The following LRRC37A2 variants were observed in gnomAD, a reference collection of about 807,000 sequenced individuals.
LRRC37A2 encodes leucine-rich repeat-containing protein 37A2.
Under a neutral mutation model 68.8 loss-of-function variants are expected in LRRC37A2, and 9 were observed. That is an observed-to-expected ratio of 0.13 (90% CI 0.08 to 0.23). The LOEUF (loss-of-function observed/expected upper bound fraction) is 0.23. LRRC37A2 is among the 10% of genes least tolerant of loss of function. LRRC37A2 has a pLI of 1.00. For missense variants in LRRC37A2, 168 were observed against 950.4 expected (o/e 0.18, Z 10.82); for synonymous variants, 63 against 367.6 (o/e 0.17, Z 9.48).
At chr17:46,779,103 A>ACACACACACACACACACC in the LRRC37A2 span, among the ~76,000 whole-genome samples, 205 of 133,612 alleles carry the variant, frequency 1.5e-3, 8 homozygotes, top group East Asian at 0.016. Flanking sequence ...ACACACACAC[A>ACACACACACACACACACC]CCCCAGCCCA....
the LRRC37A2 span, among the ~76,000 whole-genome samples, chr17:46,896,434 G>GAA: frequency 2.9e-5 from 3 of 103,910 alleles, no homozygotes; most frequent in African/African-American, 7.6e-5. Context: ...AAGAAAGAAA[G>GAA]AAAGAAAGAA....
the LRRC37A2 span, among the ~76,000 whole-genome samples, chr17:46,458,531 CTTTTTTT>C: frequency 2.4e-3 from 96 of 39,898 alleles, 3 homozygotes; most frequent in East Asian, 0.03. Flanking sequence ...TCTTCTTCTT[CTTTTTTT>C]TTTTTTTTTT....
the LRRC37A2 span, among the ~76,000 whole-genome samples, chr17:46,883,360 C>T: frequency 6.6e-6 from 1 of 151,002 alleles, no homozygotes; most frequent in African/African-American, 2.4e-5. Flanking sequence ...TCTTGGCTCA[C>T]TACAACCTCC....
the LRRC37A2 span, among the ~76,000 whole-genome samples, chr17:46,969,954 G>A: frequency 6.6e-6 from 1 of 152,104 alleles, no homozygotes; most frequent in African/African-American, 2.4e-5. Context: ...CGGGGTGGGG[G>A]AACAAAAAAC....
intron 4 of LRRC37A2, among the ~76,000 whole-genome samples, chr17:46,520,938 T>C (rs2052189371): frequency 1.2e-5 from 1 of 81,258 alleles, no homozygotes; most frequent in African/African-American, 3.6e-5. Flanking sequence ...ATAGCTGAAT[T>C]ATATCAATAT....
chr17:46,403,778 A>G, the LRRC37A2 span, among the ~76,000 whole-genome samples: 1 of 86,320 alleles, frequency 1.2e-5, no homozygotes, highest in Non-Finnish European at 2.6e-5. Flanking sequence ...AGCTCACTGC[A>G]AGCTCCGCCT....
chr17:46,872,292 G>A, the LRRC37A2 span, among the ~76,000 whole-genome samples: 27 of 152,358 alleles, frequency 1.8e-4, no homozygotes, highest in Middle Eastern at 3.4e-3. Context: ...GGGTGGATAA[G>A]AAGAGCAGAG....
At chr17:46,883,483 C>T in the LRRC37A2 span, among the ~76,000 whole-genome samples, 7 of 151,960 alleles carry the variant, frequency 4.6e-5, no homozygotes, top group African/African-American at 1.7e-4. Flanking sequence ...CGGGGTTTCA[C>T]CATGTTGGCC....
At chr17:46,910,617 G>A in the LRRC37A2 span, among the ~76,000 whole-genome samples, 1 of 152,228 alleles carries the variant, frequency 6.6e-6, no homozygotes, top group African/African-American at 2.4e-5. Context: ...CTGATTATGT[G>A]TGGAAAGTCA....
At chr17:46,879,178 A>T in the LRRC37A2 span, among the ~76,000 whole-genome samples, 1 of 152,216 alleles carries the variant, frequency 6.6e-6, no homozygotes, top group African/African-American at 2.4e-5. Flanking sequence ...GCTATATTTC[A>T]CAGACAGCAC....
chr17:46,839,952 CTTTCTT>C, the LRRC37A2 span, among the ~76,000 whole-genome samples: 1 of 148,348 alleles, frequency 6.7e-6, no homozygotes, highest in Non-Finnish European at 1.5e-5. Context: ...TTCTTTCTTT[CTTTCTT>C]TCTTTCTTTC....
At chr17:46,814,505 C>T in the LRRC37A2 span, among the ~76,000 whole-genome samples, 1 of 152,190 alleles carries the variant, frequency 6.6e-6, no homozygotes, top group African/African-American at 2.4e-5. Context: ...CGCCATATCC[C>T]CCCCAGGGAA....
chr17:46,881,767 A>G, the LRRC37A2 span, among the ~76,000 whole-genome samples: 1 of 152,160 alleles, frequency 6.6e-6, no homozygotes, highest in African/African-American at 2.4e-5. Flanking sequence ...AAACAGCCAC[A>G]TGTGCTTTCT....
chr17:46,585,318 G>GAA, the LRRC37A2 span, among the ~76,000 whole-genome samples: 1 of 70,420 alleles, frequency 1.4e-5, no homozygotes, highest in African/African-American at 4.5e-5. Flanking sequence ...ACTCCATCTC[G>GAA]AAAAAAAAAA....
At chr17:46,951,024 A>G in the LRRC37A2 span, among the ~76,000 whole-genome samples, 3,759 of 152,218 alleles carry the variant, frequency 0.025, 65 homozygotes, top group Middle Eastern at 0.065. Flanking sequence ...CGCCCCAACT[A>G]CACGCCCATG....
chr17:46,496,743 C>T, the LRRC37A2 span, among the ~76,000 whole-genome samples: 779 of 131,528 alleles, frequency 5.9e-3, 1 homozygote, highest in Middle Eastern at 0.04. Flanking sequence ...GGTGAAACCC[C>T]GTCTCTACTA....
At chr17:46,784,482 G>A in the LRRC37A2 span, among the ~76,000 whole-genome samples, 2 of 152,102 alleles carry the variant, frequency 1.3e-5, no homozygotes, top group Non-Finnish European at 2.9e-5. Context: ...GACACTGAGC[G>A]TCACGGTGGG....
chr17:46,966,071 A>G, the LRRC37A2 span, among the ~76,000 whole-genome samples: 1 of 152,136 alleles, frequency 6.6e-6, no homozygotes, highest in Admixed American at 6.5e-5. Context: ...TACTTATAAT[A>G]TGTCTAACGA....
chr17:46,784,963 G>T, the LRRC37A2 span, among the ~76,000 whole-genome samples: 1 of 152,108 alleles, frequency 6.6e-6, no homozygotes, highest in East Asian at 1.9e-4. Context: ...TTTTTTAGTA[G>T]AGACGGGGTT....
Sources: allele counts gnomAD v4.1 joint callset (sites outside exome capture counted in the v4.1 genomes callset), GRCh38; gene constraint gnomAD v4.1.1; transcripts MANE v1.5; gene names NCBI Gene and HGNC (gene_info 2026-07-23, HGNC 2026-07-21).